Variants in SETD1B observed in about 807,000 individuals in gnomAD.
SETD1B encodes histone-lysine N-methyltransferase SETD1B.
Under a neutral mutation model 148.0 loss-of-function variants are expected in SETD1B, and 7 were observed. That is an observed-to-expected ratio of 0.05 (90% CI 0.03 to 0.09). SETD1B has a LOEUF of 0.09. Among genes scored for constraint, SETD1B ranks in the 10% least tolerant of loss-of-function variants. SETD1B has a pLI of 1.00. For missense variants in SETD1B, 2,155 were observed against 2,729.9 expected (o/e 0.79, Z 4.69); for synonymous variants, 1,361 against 1,186.5 (o/e 1.15, Z -3.02).
At chr12:121,790,169 C>G in the SETD1B span, among the ~76,000 whole-genome samples, 1 of 152,250 alleles carries the variant, frequency 6.6e-6, no homozygotes, top group African/African-American at 2.4e-5. Context: ...GGGCCTTCCA[C>G]GAGGGCCCCT....
Position 121,822,723 on chromosome 12 carries a change from A to C in SETD1B, c.4144A>C (p.Thr1382Pro), listed in dbSNP as rs1396139514. ...KSQSTETVPA[T>P]PGGEPPLSGG... The stretch of plus-strand genomic sequence containing the variant: ...GCAGAGCACAGAGACGGTGCCAGCC[A>C]CACCAGGCGGGGAGCCCCCGCTATC... The change falls in exon 12 of 17, where the codon ACA becomes CCA. Residue 1382 changes from threonine to proline, a missense_variant. Around this residue, in one of 11 missense-constraint regions of SETD1B, gnomAD observed 862 missense variants for 873.8 expected, o/e 0.99. Transcript: ENST00000604567. 1 of 1,523,264 alleles carries C rather than the reference A, an allele frequency of 6.6e-7. No homozygotes were observed. Among genetic ancestry groups the C allele is most frequent in the Non-Finnish European group, 8.9e-7 (1 of 1,127,554 alleles). The allele number at this position is 1,523,264 out of a possible 1,614,324, so 94.4% of individuals were successfully genotyped here. A position where few individuals can be genotyped will look rare whatever the true frequency, so the allele number is the denominator to read the frequency against.
chr12:121,810,535 C>A lies in SETD1B; in HGVS notation c.1590C>A (p.Gly530=). ...PDSDTELQME[G]SPISSSSSQL... is the part of the protein sequence containing the mutation. Reference sequence around the variant, plus strand: ...CGGACACCGAGCTGCAGATGGAGGGCAGCCCCATCTCCTCCTCCTCCTCCC... The same window carrying A: ...CGGACACCGAGCTGCAGATGGAGGGAAGCCCCATCTCCTCCTCCTCCTCCC... The change falls in exon 6 of 17, where the codon GGC becomes GGA. Residue 530 remains glycine, a synonymous_variant. Coordinates refer to ENST00000604567, the MANE Select transcript of SETD1B (RefSeq NM_001353345.2). The surrounding 1 kb of genome is among the most constrained non-coding windows in gnomAD (Gnocchi z 7.6). 1 of 1,546,524 alleles carries A rather than the reference C, an allele frequency of 6.5e-7. No individual in the cohort carries two copies.
chr12:121,803,548 G>C (rs967077929), upstream of SETD1B: 1 of 152,148 alleles, frequency 6.6e-6, no homozygotes, highest in East Asian at 1.9e-4. This position sits in a 1 kb window ranked among gnomAD's most constrained non-coding sequence, Gnocchi z 4.7. Context: ...CAACTCCTCT[G>C]AGTCGACGCC....
In SETD1B at chr12:121,822,894, C is replaced by G. The variant is rs2137578401; in HGVS notation, c.4315C>G (p.Pro1439Ala). Reference protein sequence around the residue: ...DFSFTPTFSEPSGPLLLPVCP... With the variant: ...DFSFTPTFSEASGPLLLPVCP... ...CAGCTTCACACCCACCTTCTCCGAG[C>G]CCAGCGGGCCCTTGCTCCTGCCCGT... The change falls in exon 12 of 17, where the codon CCC becomes GCC. Residue 1439 changes from proline (P) to alanine (A), a missense_variant. Pro to Ala is a conservative substitution (Grantham distance 27). Transcript: ENST00000604567. The G allele has an allele frequency of 6.7e-7, 1 of 1,492,230 alleles. No homozygotes were observed. The highest frequency in any genetic ancestry group is 9.0e-7 in the Non-Finnish European group (1 of 1,115,710). The allele number at this position is 1,492,230 out of a possible 1,614,324, so 92.4% of individuals were successfully genotyped here. A position where few individuals can be genotyped will look rare whatever the true frequency, so the allele number is the denominator to read the frequency against.
At chr12:121,790,263 C>T in the SETD1B span, among the ~76,000 whole-genome samples, 2,186 of 152,380 alleles carry the variant, frequency 0.014, 57 homozygotes, top group African/African-American at 0.051. Flanking sequence ...ACCCCTGTCT[C>T]ACAGCTCTGG....
chr12:121,824,339 A>C (rs1000398805), intron 12 of SETD1B, among the ~76,000 whole-genome samples: 5 of 152,168 alleles, frequency 3.3e-5, no homozygotes, highest in Non-Finnish European at 7.3e-5. Flanking sequence ...GTGAGCACTC[A>C]GTTTGTGTCA....
rs1369182975 is a variant in SETD1B at position 121,830,019 on chromosome 12, G to A, written c.5728-47G>A. 1.3e-6 allele frequency: 2 copies of A among 1,522,816 alleles called. No homozygotes were observed. The highest frequency in any genetic ancestry group is 1.4e-5 in the African/African-American group (1 of 72,334). 94.3% of individuals were successfully genotyped at this position (1,522,816 alleles called of 1,614,324 possible). On this transcript the variant is annotated intron_variant, in intron 16 of 16. Coordinates refer to ENST00000604567, the MANE Select transcript of SETD1B (RefSeq NM_001353345.2). The surrounding 1 kb of genome is among the most constrained non-coding windows in gnomAD (Gnocchi z 5.7). ...GTTTGGGGGGTCTGCAGTGGTGGGG[G>A]ACCCTGGGGGACCAGGGGCTCATTC...
At chr12:121,827,453 G>A in intron 13 of SETD1B, 66 bp from the exon 14 acceptor site, 1 of 1,459,922 alleles carries the variant, frequency 6.8e-7, no homozygotes, top group Non-Finnish European at 9.0e-7. Context: ...CAGAGATCCA[G>A]AGCCTAGGGT....
At chr12:121,797,698 A>T in the SETD1B span, 1 of 434,018 alleles carries the variant, frequency 2.3e-6, no homozygotes, top group Middle Eastern at 3.7e-4. Flanking sequence ...GGGAGTAAAG[A>T]CCCCACCCGG....
intron 4 of SETD1B, among the ~76,000 whole-genome samples, chr12:121,806,410 G>T (rs1462640830): frequency 2.6e-5 from 4 of 152,146 alleles, no homozygotes; most frequent in Non-Finnish European, 5.9e-5. Context: ...GGTGGCTTGG[G>T]TTTAGACAGT....
chr12:121,806,248 GGGTAGAGTCGCGT>G, intron 4 of SETD1B, 143 bp downstream of exon 4: 1 of 894,656 alleles, frequency 1.1e-6, no homozygotes, highest in East Asian at 2.7e-5. Flanking sequence ...CCCCTCCTGA[GGGTAGAGTCGCGT>G]GGAGCTAAAT....
chr12:121,799,680 C>A (rs1474561716), upstream of SETD1B: 1 of 144,328 alleles, frequency 6.9e-6, no homozygotes, highest in Non-Finnish European at 1.5e-5. Flanking sequence ...GATGGATGGC[C>A]CCGGCGGCCC....
Position 121,823,154 on chromosome 12 carries a change from C to T in SETD1B, c.4575C>T (p.Ser1525=). The T allele has an allele frequency of 1.3e-6, 2 of 1,542,850 alleles. No individual in the cohort carries two copies. ...MKRKPGRPRR[S]PPSMLSLDGP... is the part of the protein sequence containing the mutation. ...GGAAGCCGGGCCGGCCCCGGCGATC[C>T]CCACCATCTATGCTCTCCTTGGATG... is the stretch of plus-strand genomic sequence containing the variant. The change falls in exon 12 of 17, where the codon TCC becomes TCT. Residue 1525 remains serine, a synonymous_variant. Coordinates refer to ENST00000604567, the MANE Select transcript of SETD1B (RefSeq NM_001353345.2).
intron 6 of SETD1B, among the ~76,000 whole-genome samples, chr12:121,811,657 C>A (rs568755603): frequency 1.9e-4 from 29 of 152,132 alleles, no homozygotes; most frequent in Non-Finnish European, 4.0e-4. Flanking sequence ...GCCTTGGAGC[C>A]GTAGTCCCGG....
Position 121,831,556 on chromosome 12 carries a change from T to TTGGGAACATTGTTTCTTG in SETD1B, c.*1319_*1336dup, listed in dbSNP as rs1359539577. 6.6e-6 allele frequency: 1 copy of TTGGGAACATTGTTTCTTG among 152,072 alleles called. No homozygotes were observed. 9.4% of individuals were successfully genotyped at this position (152,072 alleles called of 1,614,324 possible). On this transcript the variant is annotated 3_prime_UTR_variant, in exon 17 of 17. Coordinates refer to ENST00000604567, the MANE Select transcript of SETD1B (RefSeq NM_001353345.2). Reference sequence around the variant, plus strand: ...AGAGGCTGCCGCAAAGGACTTTCTCTTGGGAACATTGTTTCTTGTAGAAAC... The same window carrying TTGGGAACATTGTTTCTTG: ...AGAGGCTGCCGCAAAGGACTTTCTCTTGGGAACATTGTTTCTTGTGGGAACATTGTTTCTTGTAGAAAC...
chr12:121,817,818 G>T lies in SETD1B; in HGVS notation c.3332G>T (p.Ser1111Ile). Residue 1111 changes from serine (S) to isoleucine (I), a missense_variant, in exon 10 of 17, where the codon AGT becomes ATT. By Grantham distance (142) the Ser-to-Ile change is moderately radical. Transcript: ENST00000604567. This position sits in a 1 kb window ranked among gnomAD's most constrained non-coding sequence, Gnocchi z 8.1. ...CCCCAGGATGACGACGATGACGACA[G>T]TGATGACCGGGACGAGTCTGAGAAC... ...TSDKDDDDDD[S>I]DDRDESENDD... 1 of 1,550,940 alleles carries T rather than the reference G, an allele frequency of 6.4e-7. No homozygotes were observed. Among genetic ancestry groups the T allele is most frequent in the Non-Finnish European group, 8.7e-7 (1 of 1,146,630 alleles).
the SETD1B span, chr12:121,797,072 AGCGCTCAGGG>A: frequency 1.4e-5 from 3 of 214,494 alleles, no homozygotes; most frequent in African/African-American, 2.4e-5. Context: ...TGCTCCTCCC[AGCGCTCAGGG>A]GCAGGAGCTT....
rs1420608517 is a variant in SETD1B at position 121,808,313 on chromosome 12, C to A, written c.650C>A (p.Thr217Asn). ...LDAVSPIVNE[T>N]LQLSDALKRL... Reference sequence around the variant, plus strand: ...GCTGTCTCTCCAATCGTGAATGAGACCCTGCAGGTGGGTTTATGGCCGTCA... The same window carrying A: ...GCTGTCTCTCCAATCGTGAATGAGAACCTGCAGGTGGGTTTATGGCCGTCA... The change falls in exon 5 of 17, where the codon ACC (threonine) becomes AAC (asparagine). Residue 217 changes from threonine (T) to asparagine (N), a missense_variant. Around this residue, in one of 11 missense-constraint regions of SETD1B, gnomAD observed 124 missense variants for 282.9 expected, o/e 0.44. Coordinates refer to ENST00000604567, the MANE Select transcript of SETD1B (RefSeq NM_001353345.2). This position sits in a 1 kb window ranked among gnomAD's most constrained non-coding sequence, Gnocchi z 5.3. 6.5e-7 allele frequency: 1 copy of A among 1,549,982 alleles called. No homozygotes were observed. Among genetic ancestry groups the A allele is most frequent in the South Asian group, 1.2e-5 (1 of 83,966 alleles).
At chr12:121,812,741 T>C (rs1014854276) in intron 6 of SETD1B, among the ~76,000 whole-genome samples, 1 of 152,066 alleles carries the variant, frequency 6.6e-6, no homozygotes, top group African/African-American at 2.4e-5. Context: ...ATGGGGATCC[T>C]GAGAAGGAGA....
Sources: allele counts gnomAD v4.1 joint callset (sites outside exome capture counted in the v4.1 genomes callset), GRCh38; gene constraint gnomAD v4.1.1; regional missense constraint gnomAD v4.1.1; non-coding constraint Gnocchi (gnomAD v3.1); transcripts MANE v1.5; gene names NCBI Gene and HGNC (gene_info 2026-07-23, HGNC 2026-07-21).